CLASP1: variants seen among roughly 807,000 people sequenced by gnomAD.
CLASP1 encodes the protein cytoplasmic linker associated protein 1.
Under a neutral mutation model 192.3 loss-of-function variants are expected in CLASP1, and 38 were observed. The ratio of observed to expected loss-of-function variants is 0.20; its 90% confidence interval spans 0.15 to 0.26. The LOEUF (loss-of-function observed/expected upper bound fraction) is 0.26. Ranked by LOEUF, CLASP1 falls within the 10% of genes least tolerant of loss-of-function variation. CLASP1 has a pLI of 1.00. For synonymous variants in CLASP1, 691 were observed against 712.8 expected (o/e 0.97, Z 0.49); for missense variants, 1,433 against 1,932.5 (o/e 0.74, Z 4.85).
chr2:121,382,117 CA>C, intron 33 of CLASP1, 90 bp downstream of exon 34: 1 of 950,296 alleles, frequency 1.1e-6, no homozygotes. Context: ...ACACTGGAGG[CA>C]GCTTAGAGGC....
At chr2:121,640,021 C>T (rs150059118) in intron 1 of CLASP1, among the ~76,000 whole-genome samples, 2,892 of 152,178 alleles carry the variant, frequency 0.019, 39 homozygotes, top group Non-Finnish European at 0.03. Flanking sequence ...ACATATATAC[C>T]ATGGAATACT....
At chr2:121,404,986 C>T (rs563720583) in intron 25 of CLASP1, among the ~76,000 whole-genome samples, 1 of 152,266 alleles carries the variant, frequency 6.6e-6, no homozygotes, top group African/African-American at 2.4e-5. Context: ...TCAGACAGAT[C>T]TGGATTTTAA....
chr2:121,492,656 GACT>G (rs1023006842), intron 8 of CLASP1, among the ~76,000 whole-genome samples: 1 of 142,922 alleles, frequency 7.0e-6, no homozygotes, highest in Non-Finnish European at 1.5e-5. Flanking sequence ...TTACTAGGGT[GACT>G]ACAATTAAAA....
At chr2:121,339,435 A>C (rs951047453) in exon 40 of CLASP1, 4 of 152,248 alleles carry the variant, frequency 2.6e-5, no homozygotes, top group Non-Finnish European at 5.9e-5. Context: ...TTATGGAAAA[A>C]TCAGTTCAAT....
chr2:121,477,371 G>A (rs1007134455), intron 8 of CLASP1, among the ~76,000 whole-genome samples: 9 of 152,154 alleles, frequency 5.9e-5, no homozygotes, highest in Admixed American at 3.3e-4. Context: ...GAAAATAACT[G>A]AAGACAAATC....
intron 33 of CLASP1, 141 bp from the exon 35 acceptor site, chr2:121,377,790 C>CGTCTTTT (rs2070609983): frequency 6.8e-6 from 4 of 590,220 alleles, no homozygotes; most frequent in Non-Finnish European, 1.1e-5. Flanking sequence ...GAAAAGGAGA[C>CGTCTTTT]GTCTTTTGTT....
rs1559368809 is a variant in CLASP1 at position 121,478,882 on chromosome 2, A to AC, written c.713-8923dup. Among the ~76,000 whole-genome samples, 365 of 80,626 alleles carry AC rather than the reference A, an allele frequency of 4.5e-3. 8 individuals carry two copies. The highest frequency in any genetic ancestry group is 0.016 in the African/African-American group (267 of 16,184). 52.9% of individuals were successfully genotyped at this position (80,626 alleles called of 152,430 possible). A position where few individuals can be genotyped will look rare whatever the true frequency, so the allele number is the denominator to read the frequency against. On this transcript the variant is annotated intron_variant, in intron 8 of 39. Coordinates refer to ENST00000263710, the Ensembl canonical transcript of CLASP1. ...ACACCACACACACACCACACCACAC[A>AC]CACACCACACACACACACCACACCA...
chr2:121,439,593 AT>A (rs1465416463), intron 19 of CLASP1, among the ~76,000 whole-genome samples: 1 of 152,052 alleles, frequency 6.6e-6, no homozygotes, highest in Non-Finnish European at 1.5e-5. Context: ...CCCAGTAGTC[AT>A]TCAGGAGCAG....
chr2:121,635,369 T>C (rs2070642775), intron 1 of CLASP1, among the ~76,000 whole-genome samples: 2 of 152,190 alleles, frequency 1.3e-5, no homozygotes, highest in Admixed American at 6.5e-5. Context: ...TTCCTTTGTT[T>C]CCACTATTAA....
At chr2:121,396,115 G>A (rs2075248666) in intron 30 of CLASP1, among the ~76,000 whole-genome samples, 1 of 152,160 alleles carries the variant, frequency 6.6e-6, no homozygotes, top group Non-Finnish European at 1.5e-5. Flanking sequence ...AATCTATGTT[G>A]ATTTTAATTG....
At chr2:121,398,780 C>T (rs2075704496) in intron 28 of CLASP1, among the ~76,000 whole-genome samples, 1 of 152,184 alleles carries the variant, frequency 6.6e-6, no homozygotes. Context: ...TTTTTACATC[C>T]TGACCGGGCT....
At chr2:121,647,744 T>C (rs1267904465) in intron 1 of CLASP1, among the ~76,000 whole-genome samples, 1 of 152,268 alleles carries the variant, frequency 6.6e-6, no homozygotes, top group Non-Finnish European at 1.5e-5. Context: ...AAAAGCCTTT[T>C]CTGTATTTGC....
chr2:121,599,298 A>G (rs1291123181), intron 2 of CLASP1, among the ~76,000 whole-genome samples: 1 of 151,598 alleles, frequency 6.6e-6, no homozygotes, highest in African/African-American at 2.4e-5. Context: ...CTTAAAGAAA[A>G]AAAAAAAACA....
chr2:121,578,966 T>C (rs1200119331), intron 2 of CLASP1, among the ~76,000 whole-genome samples: 1 of 152,196 alleles, frequency 6.6e-6, no homozygotes, highest in African/African-American at 2.4e-5. Context: ...TTCAGTAATT[T>C]AACTATTTGT....
chr2:121,445,027 A>T, intron 19 of CLASP1: 1 of 1,059,060 alleles, frequency 9.4e-7, no homozygotes, highest in Non-Finnish European at 1.3e-6. Context: ...TCAAAAAATT[A>T]AAAAGCCGAA....
Position 121,359,187 on chromosome 2 carries a change from T to C in CLASP1, c.4206+3985A>G, listed in dbSNP as rs55695839. Among the ~76,000 whole-genome samples the C allele has an allele frequency of 1.4e-3, 217 of 152,370 alleles. 1 individual carries two copies. The highest frequency in any genetic ancestry group is 5.0e-3 in the African/African-American group (210 of 41,588). ...ACTATTTCCTGAGAAATGGGCACTT[T>C]TGAAATGAATAAGGATGTCTGAGAA... On this transcript the variant is annotated intron_variant, in intron 37 of 39. Coordinates refer to ENST00000263710, the Ensembl canonical transcript of CLASP1.
At chr2:121,388,859 A>T (rs1396565374) in intron 30 of CLASP1, among the ~76,000 whole-genome samples, 1 of 152,246 alleles carries the variant, frequency 6.6e-6, no homozygotes, top group East Asian at 1.9e-4. Context: ...CTTTACAAAC[A>T]TAAAGTCCTT....
intron 30 of CLASP1, among the ~76,000 whole-genome samples, chr2:121,392,046 T>C (rs144127824): frequency 9.8e-5 from 15 of 152,342 alleles, no homozygotes; most frequent in Non-Finnish European, 1.5e-4. Flanking sequence ...AGATATCTCA[T>C]CTTTTGAAGG....
chr2:121,612,788 A>C (rs564679952), intron 1 of CLASP1, among the ~76,000 whole-genome samples: 65 of 152,342 alleles, frequency 4.3e-4, no homozygotes, highest in African/African-American at 1.6e-3. Context: ...CGATACAAAC[A>C]TAAACAGGAC....
Sources: allele counts gnomAD v4.1 joint callset (sites outside exome capture counted in the v4.1 genomes callset), GRCh38; gene constraint gnomAD v4.1.1; transcripts MANE v1.5; gene names NCBI Gene and HGNC (gene_info 2026-07-23, HGNC 2026-07-21).